Variants in DLGAP1 observed in about 807,000 individuals in gnomAD.
The protein encoded by DLGAP1 is disks large-associated protein 1.
In DLGAP1, 11 loss-of-function variants were observed where a neutral mutation model predicts 90.8. The ratio of observed to expected loss-of-function variants is 0.12; its 90% confidence interval spans 0.08 to 0.20. The LOEUF (loss-of-function observed/expected upper bound fraction) is 0.20, where lower values mean the gene tolerates loss of function less well. Ranked by LOEUF, DLGAP1 falls within the 10% of genes least tolerant of loss-of-function variation. DLGAP1 has a pLI of 1.00. For synonymous variants in DLGAP1, 558 were observed against 540.7 expected (o/e 1.03, Z -0.44); for missense variants, 1,050 against 1,333.8 (o/e 0.79, Z 3.31).
chr18:3,957,976 C>T (rs1194708474), intron 3 of DLGAP1, among the ~76,000 whole-genome samples: 4 of 150,710 alleles, frequency 2.7e-5, no homozygotes, highest in African/African-American at 7.3e-5. Flanking sequence ...TCACTGCAAC[C>T]TCTGCCTCCC....
In DLGAP1 at chr18:3,572,400, T is replaced by C. The variant is rs140618985; in HGVS notation, c.1966-4819A>G. Among the ~76,000 whole-genome samples, 24 of 151,530 alleles carry C rather than the reference T, an allele frequency of 1.6e-4. No homozygotes were observed. In the East Asian group the frequency reaches 4.7e-3, roughly 30 times the overall value. On this transcript the variant is annotated intron_variant, in intron 8 of 12. Coordinates refer to ENST00000315677, the MANE Select transcript of DLGAP1 (RefSeq NM_004746.4). ...TGGAATATCTCTAGCATTTCGTCTT[T>C]AAGCAGAAGTTTAGATTGGTTTCTT... is the stretch of plus-strand genomic sequence containing the variant.
chr18:3,515,256 G>A (rs979356723), intron 10 of DLGAP1, among the ~76,000 whole-genome samples: 19 of 145,890 alleles, frequency 1.3e-4, no homozygotes, highest in African/African-American at 4.6e-4. Flanking sequence ...GGATCACGAG[G>A]TCAGGAGATC....
At chr18:3,821,674 G>C (rs2067426818) in intron 4 of DLGAP1, among the ~76,000 whole-genome samples, 1 of 152,182 alleles carries the variant, frequency 6.6e-6, no homozygotes, top group Admixed American at 6.5e-5. Context: ...AAACAAGCAT[G>C]AACAGTTTGG....
chr18:3,742,618 A>C, intron 5 of DLGAP1, 106 bp from the exon 6 acceptor site: 1 of 1,300,058 alleles, frequency 7.7e-7, no homozygotes, highest in Non-Finnish European at 1.1e-6. Flanking sequence ...TACTGGGACA[A>C]ATGACATAGA....
chr18:4,106,811 T>G (rs997565964), intron 2 of DLGAP1, among the ~76,000 whole-genome samples: 1 of 152,190 alleles, frequency 6.6e-6, no homozygotes, highest in Non-Finnish European at 1.5e-5. Context: ...ATGTGTCCAG[T>G]GTCAAGACAT....
chr18:3,539,168 T>C (rs367763642), intron 9 of DLGAP1, among the ~76,000 whole-genome samples: 17 of 152,224 alleles, frequency 1.1e-4, no homozygotes, highest in African/African-American at 4.1e-4. Context: ...AAAGTTCCTT[T>C]TGGGTGAAGA....
In DLGAP1 at chr18:4,018,374, C is replaced by T. The variant is rs1599334132; in HGVS notation, c.-158-13173G>A. 2.6e-5 allele frequency among the ~76,000 whole-genome samples: 4 copies of T among 152,284 alleles called. No homozygotes were observed. The South Asian group carries it at 6.2e-4, about 24-fold the overall frequency. On this transcript the variant is annotated intron_variant, in intron 2 of 12. Transcript: ENST00000315677. ...GGCCAGACATTGGATGTGGGCTGCC[C>T]AGGGAGGAAGCATGACCTCGTGTGA...
At chr18:4,147,179 A>G (rs2076598198) in intron 2 of DLGAP1, among the ~76,000 whole-genome samples, 1 of 152,216 alleles carries the variant, frequency 6.6e-6, no homozygotes, top group African/African-American at 2.4e-5. Flanking sequence ...CTCAAGGAAA[A>G]GACATTTGCA....
chr18:3,879,742 C>T lies in DLGAP1; in HGVS notation c.327G>A (p.Arg109=). ...AGCCATCGCGGCTGAGTGGCAGCTGCCGCTCGAACTGGTCCAGCAGGTTGG... is the reference window on the plus strand; with the variant it reads ...AGCCATCGCGGCTGAGTGGCAGCTGTCGCTCGAACTGGTCCAGCAGGTTGG... ...IPANLLDQFE[R]QLPLSRDGYH... is the part of the protein sequence containing the mutation. Residue 109 remains arginine (R), a synonymous_variant, in exon 4 of 13, where the codon CGG becomes CGA. Coordinates refer to ENST00000315677, the MANE Select transcript of DLGAP1 (RefSeq NM_004746.4). This position sits in a 1 kb window ranked among gnomAD's most constrained non-coding sequence, Gnocchi z 6.6. 1.2e-6 allele frequency: 2 copies of T among 1,608,184 alleles called. No homozygotes were observed. Among genetic ancestry groups the T allele is most frequent in the Non-Finnish European group, 8.5e-7 (1 of 1,179,898 alleles).
At chr18:3,920,510 C>T (rs578032135) in intron 3 of DLGAP1, among the ~76,000 whole-genome samples, 1 of 152,222 alleles carries the variant, frequency 6.6e-6, no homozygotes, top group East Asian at 1.9e-4. Flanking sequence ...AGTTTATGCC[C>T]CACTTTTTTT....
intron 1 of DLGAP1, among the ~76,000 whole-genome samples, chr18:4,407,019 C>T (rs2144577714): frequency 6.6e-6 from 1 of 152,308 alleles, no homozygotes; most frequent in South Asian, 2.1e-4. Context: ...ATTGCACTCT[C>T]CTGTCACATT....
At chr18:3,806,611 CGTT>C (rs1295153876) in intron 5 of DLGAP1, among the ~76,000 whole-genome samples, 2 of 152,190 alleles carry the variant, frequency 1.3e-5, no homozygotes, top group Non-Finnish European at 2.9e-5. Flanking sequence ...CTCTTTACCT[CGTT>C]GTCTGCACTT....
intron 3 of DLGAP1, among the ~76,000 whole-genome samples, chr18:3,988,484 A>G (rs1389500454): frequency 6.6e-6 from 1 of 152,116 alleles, no homozygotes; most frequent in Non-Finnish European, 1.5e-5. Context: ...TCACTGCCTC[A>G]GCTCCACCTT....
intron 7 of DLGAP1, among the ~76,000 whole-genome samples, chr18:3,667,049 C>T (rs2059909571): frequency 3.3e-5 from 5 of 151,702 alleles, no homozygotes; most frequent in Admixed American, 2.6e-4. Context: ...GATTACAGGC[C>T]TGAGCCACTG....
At chr18:4,303,956 A>G (rs2080189134) in intron 1 of DLGAP1, among the ~76,000 whole-genome samples, 1 of 152,228 alleles carries the variant, frequency 6.6e-6, no homozygotes, top group Non-Finnish European at 1.5e-5. Context: ...AACATTGACA[A>G]AAAAGGAAAA....
intron 1 of DLGAP1, among the ~76,000 whole-genome samples, chr18:4,177,062 T>G (rs2077121377): frequency 1.3e-5 from 2 of 152,104 alleles, no homozygotes; most frequent in South Asian, 4.2e-4. Flanking sequence ...TTTCTGAACT[T>G]GTCACTGAAG....
At chr18:4,144,342 G>C (rs2076546387) in intron 2 of DLGAP1, among the ~76,000 whole-genome samples, 1 of 152,198 alleles carries the variant, frequency 6.6e-6, no homozygotes, top group South Asian at 2.1e-4. Flanking sequence ...GCCTTCATGA[G>C]TGCTGGCTAA....
intron 1 of DLGAP1, among the ~76,000 whole-genome samples, chr18:4,207,670 A>G (rs961150259): frequency 6.6e-6 from 1 of 152,102 alleles, no homozygotes; most frequent in Admixed American, 6.5e-5. Context: ...GGAGAGGCCA[A>G]ACACAGATCT....
chr18:3,698,497 A>C (rs538691919), intron 7 of DLGAP1, among the ~76,000 whole-genome samples: 2 of 152,284 alleles, frequency 1.3e-5, no homozygotes, highest in South Asian at 4.1e-4. Flanking sequence ...TTTCTTTAAG[A>C]ATGTTGAATA....
Sources: gnomAD v4.1 joint callset for allele counts (sites outside exome capture counted in the v4.1 genomes callset) on GRCh38, gnomAD v4.1.1 for gene constraint, Gnocchi (gnomAD v3.1) non-coding constraint, MANE v1.5 for transcripts, NCBI Gene and HGNC (gene_info 2026-07-23, HGNC 2026-07-21) for gene names.